The following PDE4B variants were observed in gnomAD, a reference collection of about 807,000 sequenced individuals.
PDE4B encodes the protein 3',5'-cyclic-AMP phosphodiesterase 4B.
A neutral mutation model predicts 82.2 loss-of-function variants in PDE4B; 20 were observed. The observed-to-expected ratio is 0.24, with a 90% confidence interval of 0.17 to 0.35. PDE4B has a LOEUF of 0.35. Among genes scored for constraint, PDE4B ranks in the 10% least tolerant of loss-of-function variants. The pLI is 1.00. For synonymous variants in PDE4B, 320 were observed against 318.9 expected (o/e 1.00, Z -0.04); for missense variants, 655 against 907.2 (o/e 0.72, Z 3.57).
At chr1:66,224,648 G>T (rs1186017901) in intron 3 of PDE4B, among the ~76,000 whole-genome samples, 1 of 152,198 alleles carries the variant, frequency 6.6e-6, no homozygotes. Flanking sequence ...GAGCTTGGGA[G>T]GCAGAGGTTG....
intron 7 of PDE4B, among the ~76,000 whole-genome samples, chr1:66,269,034 T>G (rs540377392): frequency 1.4e-4 from 21 of 152,342 alleles, no homozygotes; most frequent in African/African-American, 5.1e-4. Flanking sequence ...CCGGGAAAAC[T>G]ACATAAAATT....
chr1:65,986,167 A>AAATTATTATTCAATC (rs1360947498), intron 3 of PDE4B, among the ~76,000 whole-genome samples: 2 of 152,220 alleles, frequency 1.3e-5, no homozygotes, highest in African/African-American at 4.8e-5. Flanking sequence ...TTTAACTGCT[A>AAATTATTATTCAATC]AATATTAATC....
At chr1:65,979,018 TCATC>T (rs1214086662) in intron 3 of PDE4B, among the ~76,000 whole-genome samples, 2 of 152,194 alleles carry the variant, frequency 1.3e-5, no homozygotes, top group African/African-American at 4.8e-5. Context: ...ATCATCATCA[TCATC>T]CATCATCTTC....
intron 3 of PDE4B, among the ~76,000 whole-genome samples, chr1:66,236,307 C>T (rs1652444788): frequency 6.6e-6 from 1 of 152,058 alleles, no homozygotes; most frequent in Non-Finnish European, 1.5e-5. Context: ...CTTCTATTTC[C>T]CCCTTCTTTG....
chr1:66,186,797 C>T (rs1647233385), intron 3 of PDE4B, among the ~76,000 whole-genome samples: 1 of 152,288 alleles, frequency 6.6e-6, no homozygotes, highest in East Asian at 1.9e-4. Context: ...AATTTGACTT[C>T]CTCTTTTCCT....
intron 3 of PDE4B, among the ~76,000 whole-genome samples, chr1:66,106,251 T>C (rs28848776): frequency 0.094 from 14,185 of 151,282 alleles, 1,598 homozygotes; most frequent in African/African-American, 0.26. Flanking sequence ...TATTGATTTG[T>C]GTATATTGAA....
chr1:66,062,185 C>T (rs780803135), intron 3 of PDE4B, among the ~76,000 whole-genome samples: 3 of 152,066 alleles, frequency 2.0e-5, no homozygotes, highest in Non-Finnish European at 4.4e-5. Flanking sequence ...CAAGAAAATC[C>T]GAACACTGAA....
intron 3 of PDE4B, among the ~76,000 whole-genome samples, chr1:66,090,745 A>ATGTGTATACATG (rs1429279983): frequency 6.6e-6 from 1 of 151,096 alleles, no homozygotes; most frequent in African/African-American, 2.4e-5. Context: ...ATATATACAT[A>ATGTGTATACATG]TATATGTATG....
chr1:65,797,046 A>T (rs1485148927), intron 1 of PDE4B, among the ~76,000 whole-genome samples: 1 of 150,260 alleles, frequency 6.7e-6, no homozygotes, highest in Non-Finnish European at 1.5e-5. Flanking sequence ...TCCACCTCCC[A>T]GGTTCACGCC....
chr1:66,048,365 C>T (rs768784736), intron 3 of PDE4B, among the ~76,000 whole-genome samples: 1 of 151,948 alleles, frequency 6.6e-6, no homozygotes, highest in Non-Finnish European at 1.5e-5. Flanking sequence ...TCTTTTCTTG[C>T]AGTCAATAAA....
intron 3 of PDE4B, among the ~76,000 whole-genome samples, chr1:66,106,756 T>C (rs1450709870): frequency 1.3e-5 from 2 of 150,568 alleles, no homozygotes; most frequent in African/African-American, 4.9e-5. Flanking sequence ...CTGATGGTAG[T>C]TTGTATTTCT....
chr1:65,807,203 G>T (rs1303012624), intron 1 of PDE4B, among the ~76,000 whole-genome samples: 1 of 152,158 alleles, frequency 6.6e-6, no homozygotes, highest in African/African-American at 2.4e-5. Flanking sequence ...GTACCTCAGA[G>T]AATCATGTCT....
chr1:65,897,127 A>G (rs531596940), intron 1 of PDE4B, among the ~76,000 whole-genome samples: 1 of 152,260 alleles, frequency 6.6e-6, no homozygotes, highest in East Asian at 1.9e-4. Context: ...AGGATGCATT[A>G]TTTCTATTTT....
At chr1:66,065,329 T>A (rs1655789431) in intron 3 of PDE4B, among the ~76,000 whole-genome samples, 1 of 151,930 alleles carries the variant, frequency 6.6e-6, no homozygotes, top group Non-Finnish European at 1.5e-5. Flanking sequence ...TTAAGTAGCA[T>A]CCTGATTTCA....
intron 1 of PDE4B, among the ~76,000 whole-genome samples, chr1:65,906,263 A>G (rs559514283): frequency 6.6e-6 from 1 of 152,096 alleles, no homozygotes; most frequent in South Asian, 2.1e-4. Flanking sequence ...GGTTTATTTT[A>G]GGAGACGGAA....
chr1:66,055,212 T>G (rs1655233013), intron 3 of PDE4B, among the ~76,000 whole-genome samples: 1 of 152,216 alleles, frequency 6.6e-6, no homozygotes, highest in Non-Finnish European at 1.5e-5. Context: ...TTGAAGGCAG[T>G]GTTCTTAAAT....
At chr1:66,259,124 G>A (rs1654484263) in intron 6 of PDE4B, among the ~76,000 whole-genome samples, 2 of 152,112 alleles carry the variant, frequency 1.3e-5, no homozygotes, top group Non-Finnish European at 2.9e-5. Flanking sequence ...CCTCTTTTGG[G>A]TAGAACTCCA....
At chr1:66,344,081 G>C (rs1331025930) in intron 8 of PDE4B, among the ~76,000 whole-genome samples, 1 of 152,174 alleles carries the variant, frequency 6.6e-6, no homozygotes, top group African/African-American at 2.4e-5. Flanking sequence ...CAAGCTGAAA[G>C]GACACAGTGC....
intron 3 of PDE4B, among the ~76,000 whole-genome samples, chr1:66,053,715 C>T (rs937384071): frequency 3.3e-5 from 5 of 151,808 alleles, no homozygotes; most frequent in South Asian, 4.2e-4. Flanking sequence ...AAAAATTGGC[C>T]GGGGGTGGTG....
Sources: gnomAD v4.1 joint callset for allele counts (sites outside exome capture counted in the v4.1 genomes callset) on GRCh38, gnomAD v4.1.1 for gene constraint, MANE v1.5 for transcripts, NCBI Gene and HGNC (gene_info 2026-07-23, HGNC 2026-07-21) for gene names.